SSBP2: variants seen among roughly 807,000 people sequenced by gnomAD.
SSBP2 encodes the protein single-stranded DNA-binding protein 2.
A neutral mutation model predicts 61.8 loss-of-function variants in SSBP2; 17 were observed. The observed-to-expected ratio is 0.28, with a 90% confidence interval of 0.19 to 0.41. SSBP2 has a LOEUF of 0.41. SSBP2 is among the 10% of genes least tolerant of loss of function. The pLI, the probability that SSBP2 is intolerant of heterozygous loss-of-function variation, is 1.00. For missense variants in SSBP2, 310 were observed against 458.7 expected (o/e 0.68, Z 2.96); for synonymous variants, 139 against 141.3 (o/e 0.98, Z 0.12).
At chr5:81,513,584 A>T in intron 5 of SSBP2, 44 bp downstream of exon 5, 1 of 1,144,884 alleles carries the variant, frequency 8.7e-7, no homozygotes, top group Non-Finnish European at 1.3e-6. Flanking sequence ...ATCAAACAGG[A>T]GTTCCTATGC....
chr5:81,427,774 G>C (rs1762042689), intron 16 of SSBP2, among the ~76,000 whole-genome samples: 1 of 152,178 alleles, frequency 6.6e-6, no homozygotes, highest in African/African-American at 2.4e-5. Context: ...AGCAGAGAAT[G>C]TACACCAGCA....
At chr5:81,619,567 C>G (rs1240562466) in intron 3 of SSBP2, among the ~76,000 whole-genome samples, 1 of 147,734 alleles carries the variant, frequency 6.8e-6, no homozygotes, top group African/African-American at 2.5e-5. Context: ...CTATTCCAAT[C>G]AATAGAAAAA....
At chr5:81,580,881 G>A (rs879771712) in intron 4 of SSBP2, among the ~76,000 whole-genome samples, 26 of 152,138 alleles carry the variant, frequency 1.7e-4, no homozygotes, top group African/African-American at 5.5e-4. Flanking sequence ...TTCTTCAGGC[G>A]TAAGATGATT....
At chr5:81,557,152 A>C (rs1228869750) in intron 4 of SSBP2, among the ~76,000 whole-genome samples, 1 of 152,162 alleles carries the variant, frequency 6.6e-6, no homozygotes, top group Admixed American at 6.5e-5. Flanking sequence ...TCTGTACTTT[A>C]AAGATGTTGT....
In SSBP2 at chr5:81,415,327, T is replaced by C. The variant is rs1487715302; in HGVS notation, c.*5177A>G. On this transcript the variant is annotated 3_prime_UTR_variant, in exon 17 of 17. Coordinates refer to ENST00000320672, the MANE Select transcript of SSBP2 (RefSeq NM_012446.5). ...AGACCGGTTCCAGGACCTCTGCAGATACCAAAATCCACAGACGCTTAAGTC... is the reference window on the plus strand; with the variant it reads ...AGACCGGTTCCAGGACCTCTGCAGACACCAAAATCCACAGACGCTTAAGTC... 1.3e-5 allele frequency: 2 copies of C among 152,196 alleles called. No individual in the cohort carries two copies. The highest frequency in any genetic ancestry group is 4.8e-5 in the African/African-American group (2 of 41,452). The allele number at this position is 152,196 out of a possible 1,614,324, so 9.4% of individuals were successfully genotyped here.
chr5:81,480,028 T>C (rs929980030), intron 6 of SSBP2, among the ~76,000 whole-genome samples: 2 of 152,210 alleles, frequency 1.3e-5, no homozygotes, highest in Admixed American at 6.5e-5. Flanking sequence ...TCCATAGTTA[T>C]ACTATTCACA....
chr5:81,475,321 T>G (rs77109232), intron 6 of SSBP2, among the ~76,000 whole-genome samples: 87 of 152,286 alleles, frequency 5.7e-4, no homozygotes, highest in Non-Finnish European at 1.1e-3. Context: ...GCATGAAAGT[T>G]ATATCTAATT....
chr5:81,664,110 T>G (rs1202837144), intron 1 of SSBP2, among the ~76,000 whole-genome samples: 1 of 143,044 alleles, frequency 7.0e-6, no homozygotes, highest in African/African-American at 2.7e-5. Flanking sequence ...TTTAACTTTT[T>G]TTTTTGTTTT....
At chr5:81,636,220 C>A (rs1043571456) in intron 3 of SSBP2, among the ~76,000 whole-genome samples, 6 of 152,150 alleles carry the variant, frequency 3.9e-5, no homozygotes, top group Non-Finnish European at 7.4e-5. Context: ...TGGTATTTAT[C>A]TTGTACTTCT....
intron 1 of SSBP2, among the ~76,000 whole-genome samples, chr5:81,687,990 G>C (rs1002471303): frequency 4.6e-5 from 7 of 152,230 alleles, no homozygotes; most frequent in Middle Eastern, 3.4e-3. Context: ...AAGACAAAAG[G>C]GTACTTTGTC....
At chr5:81,641,476 T>C (rs751049874) in intron 2 of SSBP2, among the ~76,000 whole-genome samples, 2 of 152,214 alleles carry the variant, frequency 1.3e-5, no homozygotes, top group Non-Finnish European at 2.9e-5. Flanking sequence ...TCCATCATAC[T>C]GAAGTTAACA....
intron 4 of SSBP2, among the ~76,000 whole-genome samples, chr5:81,589,876 A>G (rs79323228): frequency 0.094 from 14,216 of 151,154 alleles, 1,293 homozygotes; most frequent in African/African-American, 0.24. Context: ...TGAGAGAGGG[A>G]GAGAGAGAGA....
chr5:81,656,134 C>G (rs1166737193), intron 1 of SSBP2, among the ~76,000 whole-genome samples: 1 of 152,152 alleles, frequency 6.6e-6, no homozygotes, highest in African/African-American at 2.4e-5. Flanking sequence ...TCACTGCAAC[C>G]TCTGCCTCCC....
intron 10 of SSBP2, among the ~76,000 whole-genome samples, chr5:81,450,569 A>T (rs1763703845): frequency 6.6e-6 from 1 of 152,178 alleles, no homozygotes; most frequent in African/African-American, 2.4e-5. Flanking sequence ...ATTTATGAGT[A>T]TGGTCATATC....
chr5:81,597,256 A>G (rs1015615069), intron 4 of SSBP2, among the ~76,000 whole-genome samples: 15 of 152,362 alleles, frequency 9.8e-5, no homozygotes, highest in Non-Finnish European at 1.5e-4. Context: ...CACACATGAA[A>G]AAATGCTCAT....
chr5:81,528,641 T>C (rs1381109453), intron 4 of SSBP2, among the ~76,000 whole-genome samples: 1 of 152,042 alleles, frequency 6.6e-6, no homozygotes, highest in East Asian at 1.9e-4. Flanking sequence ...TAAACATCAT[T>C]TTGAAAATGG....
At chr5:81,668,263 A>C (rs1348135715) in intron 1 of SSBP2, among the ~76,000 whole-genome samples, 2 of 150,014 alleles carry the variant, frequency 1.3e-5, no homozygotes, top group African/African-American at 5.0e-5. Context: ...AAAAAAAAAA[A>C]AAAAAAAAAA....
At chr5:81,507,169 C>A (rs972371818) in intron 5 of SSBP2, among the ~76,000 whole-genome samples, 1 of 152,110 alleles carries the variant, frequency 6.6e-6, no homozygotes, top group Non-Finnish European at 1.5e-5. Context: ...GATGGCAAGG[C>A]AGCTTTACCA....
At chr5:81,518,352 A>T (rs1769196729) in intron 4 of SSBP2, among the ~76,000 whole-genome samples, 1 of 152,090 alleles carries the variant, frequency 6.6e-6, no homozygotes, top group South Asian at 2.1e-4. Context: ...CCAGTGTGAT[A>T]GTATTAAGAG....
Sources: allele counts gnomAD v4.1 joint callset (sites outside exome capture counted in the v4.1 genomes callset), GRCh38; gene constraint gnomAD v4.1.1; transcripts MANE v1.5; gene names NCBI Gene and HGNC (gene_info 2026-07-23, HGNC 2026-07-21).